The following MDGA2 variants were observed in gnomAD, a reference collection of about 807,000 sequenced individuals.
MDGA2 encodes the protein MAM domain containing glycosylphosphatidylinositol anchor 2.
Under a neutral mutation model 117.8 loss-of-function variants are expected in MDGA2, and 40 were observed. The observed-to-expected ratio is 0.34, with a 90% confidence interval of 0.26 to 0.44. The LOEUF (loss-of-function observed/expected upper bound fraction) is 0.44, where lower values mean the gene tolerates loss of function less well. MDGA2 is among the 20% of genes least tolerant of loss of function. The pLI is 1.00. For missense variants in MDGA2, 1,123 were observed against 1,250.6 expected, an observed-to-expected ratio of 0.90 and a Z score of 1.54; for synonymous variants, 452 against 439.0, an observed-to-expected ratio of 1.03 and a Z score of -0.37.
intron 1 of MDGA2, among the ~76,000 whole-genome samples, chr14:47,487,157 C>A (rs148205318): frequency 4.6e-5 from 7 of 152,234 alleles, no homozygotes; most frequent in African/African-American, 1.7e-4. Flanking sequence ...ATCACAGGAC[C>A]CGTTCAAAAC....
At chr14:46,889,529 T>C (rs1456035020) in intron 10 of MDGA2, among the ~76,000 whole-genome samples, 1 of 152,112 alleles carries the variant, frequency 6.6e-6, no homozygotes, top group Non-Finnish European at 1.5e-5. Context: ...AACAGTTTTT[T>C]CTAGTTGTGT....
At chr14:46,842,046 C>CA in intron 16 of MDGA2, 27 bp from the exon 17 acceptor site, 2 of 1,526,380 alleles carry the variant, frequency 1.3e-6, no homozygotes, top group East Asian at 2.3e-5. Flanking sequence ...TAAATGCAAA[C>CA]AAAAAAAGAA....
chr14:47,057,419 T>C (rs1476898422), intron 7 of MDGA2, among the ~76,000 whole-genome samples: 1 of 151,916 alleles, frequency 6.6e-6, no homozygotes, highest in Non-Finnish European at 1.5e-5. Flanking sequence ...ACACAGAGTG[T>C]ATATGTAGCA....
chr14:46,927,163 T>C lies in MDGA2; in HGVS notation c.2090-7003A>G, dbSNP rs138844633. ...AGTATGTGTCATGAAATTGGGAGCATAAAGAATACTTTGAGGAAAGTAAGA... is the reference window on the plus strand; with the variant it reads ...AGTATGTGTCATGAAATTGGGAGCACAAAGAATACTTTGAGGAAAGTAAGA... On this transcript the variant is annotated intron_variant, in intron 9 of 16. Transcript: ENST00000399232. 2.2e-3 allele frequency among the ~76,000 whole-genome samples: 339 copies of C among 152,288 alleles called. 1 individual carries two copies. Among genetic ancestry groups the C allele is most frequent in the African/African-American group, 7.7e-3 (321 of 41,558 alleles).
rs1440841702 is a variant in MDGA2 at position 47,573,025 on chromosome 14, AC to A, written c.280+101491del. 2.0e-5 allele frequency among the ~76,000 whole-genome samples: 3 copies of A among 152,196 alleles called. No individual in the cohort carries two copies. In the East Asian group the frequency reaches 5.8e-4, roughly 29 times the overall value. On this transcript the variant is annotated intron_variant, in intron 1 of 16. Coordinates refer to ENST00000399232, the MANE Select transcript of MDGA2 (RefSeq NM_001113498.3). ...AAGAAACAGACAATCTAATTCATTT[AC>A]CACAGTCTTCTGTTTTTTTTAGCAG...
chr14:47,300,533 A>T (rs1361769769), intron 2 of MDGA2, among the ~76,000 whole-genome samples: 1 of 151,672 alleles, frequency 6.6e-6, no homozygotes. Flanking sequence ...TCTGTTGCCC[A>T]GACTGGAGTG....
chr14:47,609,854 C>G (rs964143019), intron 1 of MDGA2, among the ~76,000 whole-genome samples: 1 of 151,944 alleles, frequency 6.6e-6, no homozygotes, highest in Non-Finnish European at 1.5e-5. Flanking sequence ...GGAACCCTCC[C>G]TAATTCATTC....
chr14:47,167,070 C>T (rs1205885010), intron 3 of MDGA2, among the ~76,000 whole-genome samples: 1 of 152,106 alleles, frequency 6.6e-6, no homozygotes, highest in Non-Finnish European at 1.5e-5. Flanking sequence ...TGACCAGTCA[C>T]CACTGGTATG....
chr14:46,886,003 C>T (rs1278141995), intron 10 of MDGA2, among the ~76,000 whole-genome samples: 2 of 152,072 alleles, frequency 1.3e-5, no homozygotes, highest in African/African-American at 4.8e-5. Context: ...ATTCAAAAGA[C>T]GTTTGCTATG....
chr14:47,407,587 C>T (rs1377037392), intron 1 of MDGA2, among the ~76,000 whole-genome samples: 1 of 152,066 alleles, frequency 6.6e-6, no homozygotes, highest in Non-Finnish European at 1.5e-5. Context: ...TAGATTTTCT[C>T]ATATTGTGTA....
chr14:47,194,696 G>A (rs1156560842), intron 3 of MDGA2, among the ~76,000 whole-genome samples: 4 of 152,054 alleles, frequency 2.6e-5, no homozygotes, highest in Admixed American at 6.6e-5. Context: ...ACAGAGATAT[G>A]ATGCTTTAAG....
At chr14:46,867,523 C>A (rs1254625735) in intron 14 of MDGA2, among the ~76,000 whole-genome samples, 2 of 151,768 alleles carry the variant, frequency 1.3e-5, no homozygotes, top group East Asian at 3.9e-4. Context: ...GCACATGTAC[C>A]CTAAAACTTA....
chr14:46,993,800 C>A (rs1227988505), intron 8 of MDGA2, among the ~76,000 whole-genome samples: 1 of 152,094 alleles, frequency 6.6e-6, no homozygotes, highest in Non-Finnish European at 1.5e-5. Flanking sequence ...TACTGGCTAT[C>A]TTTTTATTTA....
At chr14:47,245,765 G>T (rs1887216165) in intron 2 of MDGA2, among the ~76,000 whole-genome samples, 1 of 151,716 alleles carries the variant, frequency 6.6e-6, no homozygotes, top group South Asian at 2.1e-4. Context: ...AAATGTTAAA[G>T]TCGTTCATTA....
chr14:47,456,459 ATT>A (rs376862684), intron 1 of MDGA2, among the ~76,000 whole-genome samples: 46,999 of 144,248 alleles, frequency 0.33, 7,806 homozygotes, highest in East Asian at 0.58. Context: ...CGCCTGGCTA[ATT>A]TTTTTTTTTT....
chr14:46,914,339 C>A (rs925809882), intron 10 of MDGA2, among the ~76,000 whole-genome samples: 2 of 152,028 alleles, frequency 1.3e-5, no homozygotes, highest in African/African-American at 2.4e-5. Context: ...TTTGTTAGGA[C>A]ATAAAGATTC....
chr14:47,289,708 T>C (rs1182037800), intron 2 of MDGA2, among the ~76,000 whole-genome samples: 1 of 152,190 alleles, frequency 6.6e-6, no homozygotes, highest in African/African-American at 2.4e-5. Flanking sequence ...ATGGTATTTC[T>C]TTCTTCTTGA....
At chr14:47,049,649 G>A (rs1889385770) in intron 7 of MDGA2, among the ~76,000 whole-genome samples, 1 of 151,970 alleles carries the variant, frequency 6.6e-6, no homozygotes, top group Admixed American at 6.6e-5. Context: ...CTGTCACACA[G>A]TGAGCACAGT....
intron 8 of MDGA2, among the ~76,000 whole-genome samples, chr14:46,974,517 A>G (rs929512160): frequency 7.2e-5 from 11 of 152,190 alleles, no homozygotes; most frequent in African/African-American, 2.7e-4. Context: ...TGGTACTGGC[A>G]TAAAAATAGA....
Sources: allele counts gnomAD v4.1 joint callset (sites outside exome capture counted in the v4.1 genomes callset), GRCh38; gene constraint gnomAD v4.1.1; transcripts MANE v1.5; gene names NCBI Gene and HGNC (gene_info 2026-07-23, HGNC 2026-07-21).